Variants in TDRD12 observed in about 807,000 individuals in gnomAD.
TDRD12 encodes tudor domain containing 12.
TDRD12 carries 158 observed loss-of-function variants against 133.5 expected under a neutral mutation model. The observed-to-expected ratio is 1.18, with a 90% CI of 1.04 to 1.35. TDRD12 has a LOEUF of 1.35. Ranked by LOEUF, TDRD12 falls within the 40% of genes most tolerant of loss-of-function variation. The probability of loss-of-function intolerance (pLI) is 0.00; values close to 1 mark genes in which losing one functional copy is unlikely to be tolerated. For missense variants in TDRD12, 1,443 were observed against 1,321.3 expected, an observed-to-expected ratio of 1.09 and a Z score of -1.43; for synonymous variants, 460 against 477.9, an observed-to-expected ratio of 0.96 and a Z score of 0.49.
At chr19:32,756,045 T>C in exon 7 of TDRD12, 1 of 1,478,632 alleles carries the variant, frequency 6.8e-7, no homozygotes, top group Non-Finnish European at 8.9e-7. Flanking sequence ...ATATGTCACC[T>C]ACAAAGAATA....
intron 8 of TDRD12, among the ~76,000 whole-genome samples, chr19:32,772,237 G>A (rs899501780): frequency 6.6e-6 from 1 of 152,182 alleles, no homozygotes; most frequent in Non-Finnish European, 1.5e-5. Flanking sequence ...TTTCCATGTG[G>A]CTGCTTCCCC....
chr19:32,787,185 C>T (rs374986383), intron 11 of TDRD12, among the ~76,000 whole-genome samples: 63 of 152,300 alleles, frequency 4.1e-4, no homozygotes, highest in African/African-American at 1.5e-3. Flanking sequence ...AGACAGGCCC[C>T]TCAGCTGCAG....
chr19:32,754,665 C>CG (rs1969937033), intron 6 of TDRD12, among the ~76,000 whole-genome samples: 1 of 141,994 alleles, frequency 7.0e-6, no homozygotes, highest in African/African-American at 2.6e-5. Context: ...GATAATGACT[C>CG]TATCTTTTTT....
At chr19:32,775,300 T>C (rs529068774) in intron 10 of TDRD12, among the ~76,000 whole-genome samples, 8 of 152,334 alleles carry the variant, frequency 5.3e-5, no homozygotes, top group African/African-American at 1.9e-4. Context: ...CATTCTGCTA[T>C]TGAGCCCATC....
intron 21 of TDRD12, among the ~76,000 whole-genome samples, chr19:32,804,613 A>C (rs1021156370): frequency 1.9e-4 from 29 of 151,490 alleles, no homozygotes; most frequent in Non-Finnish European, 4.0e-4. Flanking sequence ...GAATCACTTG[A>C]ACCCTGGAGG....
intron 1 of TDRD12, among the ~76,000 whole-genome samples, chr19:32,727,871 T>G (rs1968910370): frequency 6.6e-6 from 1 of 152,180 alleles, no homozygotes; most frequent in Admixed American, 6.5e-5. Context: ...TTTCACCATG[T>G]TGGCCAGGCT....
chr19:32,749,924 A>G, intron 6 of TDRD12, 55 bp downstream of exon 6: 1 of 1,239,556 alleles, frequency 8.1e-7, no homozygotes, highest in South Asian at 1.4e-5. Context: ...TTTTACTTTA[A>G]TAAAACAGAA....
chr19:32,763,815 G>T (rs1446158371), intron 8 of TDRD12, among the ~76,000 whole-genome samples: 4 of 152,174 alleles, frequency 2.6e-5, no homozygotes, highest in African/African-American at 7.2e-5. Flanking sequence ...TCCCATAGAA[G>T]TTTATTCTGG....
chr19:32,730,495 T>C (rs1467807913), intron 1 of TDRD12, among the ~76,000 whole-genome samples: 1 of 152,132 alleles, frequency 6.6e-6, no homozygotes, highest in Non-Finnish European at 1.5e-5. Flanking sequence ...GGGTTTATTA[T>C]TGTTACCCAC....
Position 32,808,344 on chromosome 19 carries a change from C to G in TDRD12, c.2652+696C>G, listed in dbSNP as rs199802422. On this transcript the variant is annotated intron_variant, in intron 22 of 27. Coordinates refer to ENST00000444215, the Ensembl canonical transcript of TDRD12. ...CAAGTTAGTGACTTAAAGCCACACA[C>G]ATTTCTTCTGACATGTTCCTGGATG... 2.6e-5 allele frequency among the ~76,000 whole-genome samples: 4 copies of G among 152,322 alleles called. No homozygotes were observed. The East Asian group carries it at 7.7e-4, about 29-fold the overall frequency.
intron 8 of TDRD12, among the ~76,000 whole-genome samples, chr19:32,771,149 G>A (rs1303513794): frequency 2.0e-5 from 3 of 152,154 alleles, no homozygotes; most frequent in African/African-American, 7.2e-5. Flanking sequence ...AAGAGAGAAA[G>A]TGGAGGGAGT....
intron 8 of TDRD12, among the ~76,000 whole-genome samples, chr19:32,770,329 C>T (rs1373510807): frequency 1.3e-5 from 2 of 151,876 alleles, no homozygotes; most frequent in African/African-American, 2.4e-5. Context: ...TTCTATTGAC[C>T]GTAATTTTCC....
intron 1 of TDRD12, among the ~76,000 whole-genome samples, chr19:32,723,258 G>GTT (rs916325323): frequency 1.4e-5 from 2 of 145,638 alleles, no homozygotes; most frequent in Non-Finnish European, 3.0e-5. Context: ...TAACTATTTT[G>GTT]TTTTTTTTTT....
chr19:32,765,776 T>A (rs1227073980), intron 8 of TDRD12, among the ~76,000 whole-genome samples: 2 of 151,816 alleles, frequency 1.3e-5, no homozygotes. Flanking sequence ...CATTAGGAGA[T>A]ATACCTAATG....
At chr19:32,726,104 G>A (rs201682046) in intron 1 of TDRD12, among the ~76,000 whole-genome samples, 3 of 148,096 alleles carry the variant, frequency 2.0e-5, no homozygotes, top group Non-Finnish European at 4.5e-5. Context: ...TTTTTGAGAC[G>A]GAGTCTTGCT....
chr19:32,775,789 C>T (rs1266520836), intron 10 of TDRD12, among the ~76,000 whole-genome samples: 1 of 152,086 alleles, frequency 6.6e-6, no homozygotes. Flanking sequence ...GAGGTTGGCA[C>T]CTGCTGATTG....
chr19:32,734,856 A>T (rs1035718526), intron 2 of TDRD12, among the ~76,000 whole-genome samples: 1 of 151,972 alleles, frequency 6.6e-6, no homozygotes, highest in Admixed American at 6.6e-5. Context: ...AGTGTTTCGA[A>T]CTTTTTTGTT....
chr19:32,735,200 G>T (rs1021875749), intron 2 of TDRD12, among the ~76,000 whole-genome samples: 1 of 151,942 alleles, frequency 6.6e-6, no homozygotes, highest in Non-Finnish European at 1.5e-5. Context: ...GCACCAAACA[G>T]TTAGCAAAGT....
chr19:32,733,838 C>T (rs989709484), intron 2 of TDRD12, among the ~76,000 whole-genome samples: 2 of 151,712 alleles, frequency 1.3e-5, no homozygotes, highest in Non-Finnish European at 2.9e-5. Flanking sequence ...GTTTGATTAC[C>T]CTGAAATAAC....
Sources: gnomAD v4.1 joint callset for allele counts (sites outside exome capture counted in the v4.1 genomes callset) on GRCh38, gnomAD v4.1.1 for gene constraint, MANE v1.5 for transcripts, NCBI Gene and HGNC (gene_info 2026-07-23, HGNC 2026-07-21) for gene names.